The following ZC3H7B variants were observed in gnomAD, a reference collection of about 807,000 sequenced individuals.
The protein encoded by ZC3H7B is zinc finger CCCH-type containing 7B.
Under a neutral mutation model 116.0 loss-of-function variants are expected in ZC3H7B, and 35 were observed. The observed-to-expected ratio is 0.30, with a 90% CI of 0.23 to 0.40. ZC3H7B has a LOEUF of 0.40. Ranked by LOEUF, ZC3H7B falls within the 10% of genes least tolerant of loss-of-function variation. The probability of loss-of-function intolerance (pLI) is 1.00; values close to 1 mark genes in which losing one functional copy is unlikely to be tolerated. For synonymous variants in ZC3H7B, 502 were observed against 545.6 expected (o/e 0.92, Z 1.11); for missense variants, 1,011 against 1,321.5 (o/e 0.77, Z 3.64).
intron 1 of ZC3H7B, among the ~76,000 whole-genome samples, chr22:41,318,528 CAAAAA>C (rs61267547): frequency 2.2e-5 from 2 of 92,354 alleles, no homozygotes; most frequent in African/African-American, 4.4e-5. Flanking sequence ...GACTCCGCCT[CAAAAA>C]AAAAAAAAAA....
At chr22:41,320,348 A>G (rs1312708984) in intron 1 of ZC3H7B, among the ~76,000 whole-genome samples, 2 of 151,078 alleles carry the variant, frequency 1.3e-5, no homozygotes, top group African/African-American at 2.4e-5. Flanking sequence ...AAAAAAAAAA[A>G]GAGTTTTCCC....
At chr22:41,309,594 C>T (rs1281041092) in intron 1 of ZC3H7B, among the ~76,000 whole-genome samples, 1 of 152,168 alleles carries the variant, frequency 6.6e-6, no homozygotes, top group Non-Finnish European at 1.5e-5. Context: ...GGATTACAGG[C>T]GTGAACCACC....
intron 1 of ZC3H7B, among the ~76,000 whole-genome samples, chr22:41,306,619 C>A (rs1346042505): frequency 6.6e-6 from 1 of 152,218 alleles, no homozygotes; most frequent in African/African-American, 2.4e-5. Flanking sequence ...GTCCACCCGC[C>A]TGGGCCTCTC....
At chr22:41,303,285 C>G (rs1055561667) in intron 1 of ZC3H7B, among the ~76,000 whole-genome samples, 2 of 152,152 alleles carry the variant, frequency 1.3e-5, no homozygotes, top group African/African-American at 4.8e-5. Context: ...GGGAGAGAGA[C>G]TTTGTTGTCC....
At chr22:41,331,877 A>G (rs2036388187) in intron 6 of ZC3H7B, among the ~76,000 whole-genome samples, 1 of 152,202 alleles carries the variant, frequency 6.6e-6, no homozygotes, top group Non-Finnish European at 1.5e-5. Flanking sequence ...AAATTTAAAA[A>G]TTAACAAATA....
At chr22:41,315,352 G>GTTTTTT (rs34182958) in intron 1 of ZC3H7B, among the ~76,000 whole-genome samples, 72 of 118,846 alleles carry the variant, frequency 6.1e-4, no homozygotes, top group Admixed American at 1.0e-3. Context: ...AATTTCTAGT[G>GTTTTTT]TTTTTTTTTT....
intron 1 of ZC3H7B, among the ~76,000 whole-genome samples, chr22:41,312,156 CAAAAAAA>C (rs57597464): frequency 1.1e-5 from 1 of 88,938 alleles, no homozygotes; most frequent in Non-Finnish European, 2.3e-5. Context: ...GACTCCGTCT[CAAAAAAA>C]AAAAAAAAAA....
At chr22:41,340,867 C>T (rs2036513834) in intron 10 of ZC3H7B, among the ~76,000 whole-genome samples, 1 of 152,052 alleles carries the variant, frequency 6.6e-6, no homozygotes, top group African/African-American at 2.4e-5. Flanking sequence ...AGCGGGAAGC[C>T]CTGGCAAGTT....
chr22:41,340,306 TGTG>T (rs2036505176), intron 10 of ZC3H7B, among the ~76,000 whole-genome samples, 169 bp downstream of exon 10: 1 of 151,822 alleles, frequency 6.6e-6, no homozygotes, highest in South Asian at 2.1e-4. Flanking sequence ...CTCAGCACAG[TGTG>T]GGGCTGGGCC....
Position 41,340,052 on chromosome 22 carries a change from G to C in ZC3H7B, c.1053G>C (p.Leu351=). 6.2e-7 allele frequency: 1 copy of C among 1,611,778 alleles called. No homozygotes were observed. Among genetic ancestry groups the C allele is most frequent in the Non-Finnish European group, 8.5e-7 (1 of 1,179,986 alleles). The part of the protein sequence containing the change: ...PPGPTLDPLD[L]LPYSETRLDA... ...GCCCCACGCTGGACCCCCTGGACCT[G>C]CTGCCGTACTCGGAGACCCGGCTGG... Residue 351 remains leucine (L), a synonymous_variant, in exon 10 of 23, where the codon CTG becomes CTC. Coordinates refer to ENST00000352645, the MANE Select transcript of ZC3H7B (RefSeq NM_017590.6).
chr22:41,332,356 G>T, intron 7 of ZC3H7B, 129 bp downstream of exon 7: 1 of 1,108,382 alleles, frequency 9.0e-7, no homozygotes, highest in Non-Finnish European at 1.4e-6. Flanking sequence ...GGTACCTCCC[G>T]TGTCCACGGG....
rs373803505 is a variant in ZC3H7B, at chr22:41,306,202, C to T, written c.-7+4430C>T. ...CTCAGTTTCCCCTTCTGAAAAGGAG[C>T]CCTGAGATTTGATGATATTTAATGA... is the stretch of plus-strand genomic sequence containing the variant. On this transcript the variant is annotated intron_variant, in intron 1 of 22. Coordinates refer to ENST00000352645, the MANE Select transcript of ZC3H7B (RefSeq NM_017590.6). 5.3e-5 allele frequency among the ~76,000 whole-genome samples: 8 copies of T among 152,154 alleles called. No homozygotes were observed. The South Asian group carries it at 6.2e-4, about 12-fold the overall frequency.
At position 41,320,693 on chromosome 22, in the gene ZC3H7B, G is replaced by A; in HGVS notation, c.33G>A (p.Glu11=). 1 of 1,593,372 alleles carries A rather than the reference G, an allele frequency of 6.3e-7. No individual in the cohort carries two copies. Among genetic ancestry groups the A allele is most frequent in the Non-Finnish European group, 8.6e-7 (1 of 1,167,432 alleles). ...GGCAGAAACGGAAGGCGGACATCGAGAAAGGGCTGCAGTTCATTCAGTAAG... is the reference window on the plus strand; with the variant it reads ...GGCAGAAACGGAAGGCGGACATCGAAAAAGGGCTGCAGTTCATTCAGTAAG... MERQKRKADI[E]KGLQFIQSTL... is the part of the protein sequence containing the mutation. The change falls in exon 2 of 23, where the codon GAG becomes GAA. Residue 11 remains glutamate (E), a synonymous_variant. Coordinates refer to ENST00000352645, the MANE Select transcript of ZC3H7B (RefSeq NM_017590.6).
At chr22:41,303,939 A>G (rs1182376198) in intron 1 of ZC3H7B, among the ~76,000 whole-genome samples, 2 of 152,070 alleles carry the variant, frequency 1.3e-5, no homozygotes, top group Non-Finnish European at 2.9e-5. Flanking sequence ...TTGTATTTTT[A>G]GTAGAGACGG....
chr22:41,339,818 T>G lies in ZC3H7B; in HGVS notation c.819T>G (p.Ser273=), dbSNP rs1293078654. The part of the protein sequence containing the change: ...PELDTLLDSL[S]LVQGGLSGSG... ...CTCCCTCTGTCCCTGCCTCATAGTC[T>G]CTGGTCCAGGGTGGCCTGTCTGGCA... The change falls in exon 10 of 23, where the codon TCT becomes TCG. Residue 273 remains serine (S), a splice_region_variant and synonymous_variant. Transcript: ENST00000352645. 3 of 1,592,480 alleles carry G rather than the reference T, an allele frequency of 1.9e-6. No homozygotes were observed. The African/African-American group carries it at 4.0e-5, about 21-fold the overall frequency.
chr22:41,347,920 A>T, intron 14 of ZC3H7B, 147 bp from the exon 15 acceptor site: 1 of 669,516 alleles, frequency 1.5e-6, no homozygotes, highest in South Asian at 1.7e-5. Context: ...AAGACCACAG[A>T]CCCTGGGATT....
chr22:41,309,657 G>A (rs932074803), intron 1 of ZC3H7B, among the ~76,000 whole-genome samples: 1 of 152,098 alleles, frequency 6.6e-6, no homozygotes, highest in Admixed American at 6.6e-5. Flanking sequence ...TCCTGCTTCA[G>A]CTTCCTTGTG....
Position 41,339,910 on chromosome 22 carries a change from C to T in ZC3H7B, c.911C>T (p.Pro304Leu). 1 of 1,613,844 alleles carries T rather than the reference C, an allele frequency of 6.2e-7. No homozygotes were observed. Among genetic ancestry groups the T allele is most frequent in the Non-Finnish European group, 8.5e-7 (1 of 1,180,014 alleles). Reference sequence around the variant, plus strand: ...CCCGGCGGGACCCCACTGCTACCACCTGTGGTGGGTGGCTCCATCCCTGTC... The same window carrying T: ...CCCGGCGGGACCCCACTGCTACCACTTGTGGTGGGTGGCTCCATCCCTGTC... ...VFPGGTPLLP[P>L]VVGGSIPVSS... Residue 304 changes from proline to leucine, a missense_variant, in exon 10 of 23, where the codon CCT becomes CTT. Pro to Leu is a moderately conservative substitution (Grantham distance 98). Around this residue, in one of 5 missense-constraint regions of ZC3H7B, gnomAD observed 322 missense variants for 443.9 expected, o/e 0.73. Coordinates refer to ENST00000352645, the MANE Select transcript of ZC3H7B (RefSeq NM_017590.6).
intron 14 of ZC3H7B, among the ~76,000 whole-genome samples, chr22:41,347,582 C>T (rs371845454): frequency 1.0e-3 from 153 of 152,290 alleles, no homozygotes; most frequent in African/African-American, 3.5e-3. Context: ...CGTCTGTGTC[C>T]GTAGAGCAAG....
Sources: gnomAD v4.1 joint callset for allele counts (sites outside exome capture counted in the v4.1 genomes callset) on GRCh38, gnomAD v4.1.1 for gene constraint, gnomAD v4.1.1 regional missense constraint, MANE v1.5 for transcripts, NCBI Gene and HGNC (gene_info 2026-07-23, HGNC 2026-07-21) for gene names.